LRP6: variants seen among roughly 807,000 people sequenced by gnomAD.
LRP6 encodes low-density lipoprotein receptor-related protein 6.
LRP6 carries 43 observed loss-of-function variants against 184.1 expected under a neutral mutation model. That is an observed-to-expected ratio of 0.23 (90% CI 0.18 to 0.30). The LOEUF (loss-of-function observed/expected upper bound fraction) is 0.30, where lower values mean the gene tolerates loss of function less well. LRP6 is among the 10% of genes least tolerant of loss of function. LRP6 has a pLI of 1.00. For missense variants in LRP6, 1,571 were observed against 2,005.3 expected (o/e 0.78, Z 4.14); for synonymous variants, 719 against 684.9 (o/e 1.05, Z -0.78).
At chr12:12,135,933 C>G (rs1253108198) in intron 16 of LRP6, among the ~76,000 whole-genome samples, 1 of 151,832 alleles carries the variant, frequency 6.6e-6, no homozygotes, top group Admixed American at 6.6e-5. Context: ...GCCTGTAATC[C>G]TAGCACTTTG....
intron 7 of LRP6, among the ~76,000 whole-genome samples, chr12:12,168,646 C>T (rs907310090): frequency 6.6e-5 from 10 of 151,906 alleles, no homozygotes; most frequent in Non-Finnish European, 1.2e-4. Flanking sequence ...TCTCTGTCAC[C>T]CTGTTCAGCT....
chr12:12,156,161 G>A (rs1397824448), intron 12 of LRP6, among the ~76,000 whole-genome samples: 1 of 152,076 alleles, frequency 6.6e-6, no homozygotes, highest in Non-Finnish European at 1.5e-5. Flanking sequence ...GCACTGGCAC[G>A]TTGGATAGAA....
At position 12,267,005 on chromosome 12, in the gene LRP6, C is replaced by T. The variant is rs1216717107; in HGVS notation, c.-270G>A. 3.9e-6 allele frequency: 2 copies of T among 512,670 alleles called. No homozygotes were observed. Among genetic ancestry groups the T allele is most frequent in the East Asian group, 7.1e-5 (2 of 28,006 alleles). 31.8% of individuals were successfully genotyped at this position (512,670 alleles called of 1,614,324 possible). On this transcript the variant is annotated 5_prime_UTR_variant, in exon 1 of 23. Transcript: ENST00000261349. ...GGCGCCCCGCTTCCCCCGCGCAGCTCCTCATTCAGCCTCTGCCTCGCGCAG... is the reference window on the plus strand; with the variant it reads ...GGCGCCCCGCTTCCCCCGCGCAGCTTCTCATTCAGCCTCTGCCTCGCGCAG...
intron 8 of LRP6, 28 bp downstream of exon 8, chr12:12,165,051 T>C: frequency 6.4e-7 from 1 of 1,564,214 alleles, no homozygotes; most frequent in Non-Finnish European, 8.8e-7. Flanking sequence ...CTGGTTCCCA[T>C]TTCTAAGAAA....
At chr12:12,150,722 TCATACACA>T in intron 13 of LRP6, 106 bp downstream of exon 13, 2 of 1,109,508 alleles carry the variant, frequency 1.8e-6, no homozygotes, top group South Asian at 2.5e-5. Context: ...AATTTCAGTT[TCATACACA>T]CATACACACA....
In LRP6 at chr12:12,120,471, A is replaced by C. The variant is rs553145309; in HGVS notation, c.*655T>G. 1 of 152,304 alleles carries C rather than the reference A, an allele frequency of 6.6e-6. No individual in the cohort carries two copies. The highest frequency in any genetic ancestry group is 2.4e-5 in the African/African-American group (1 of 41,544). 9.4% of individuals were successfully genotyped at this position (152,304 alleles called of 1,614,324 possible). ...GGTAGGGACAGAGACTTGCACACAC[A>C]CACAGCTTCATGGCATCTTACCAGA... On this transcript the variant is annotated 3_prime_UTR_variant, in exon 23 of 23. Coordinates refer to ENST00000261349, the MANE Select transcript of LRP6 (RefSeq NM_002336.3).
At chr12:12,255,916 T>TGTAAA (rs1865451584) in intron 1 of LRP6, among the ~76,000 whole-genome samples, 1 of 152,144 alleles carries the variant, frequency 6.6e-6, no homozygotes, top group Non-Finnish European at 1.5e-5. Context: ...ACAAACTACC[T>TGTAAA]ATTTGCAAAT....
intron 1 of LRP6, chr12:12,249,454 G>A (rs1309441693): frequency 2.8e-6 from 2 of 708,548 alleles, no homozygotes; most frequent in African/African-American, 3.6e-5. Flanking sequence ...CCACAACACA[G>A]TGTTACAGCA....
chr12:12,182,455 C>T (rs1021979583), intron 5 of LRP6, among the ~76,000 whole-genome samples: 3 of 151,978 alleles, frequency 2.0e-5, no homozygotes, highest in African/African-American at 7.2e-5. Flanking sequence ...AAGTAAACCA[C>T]CAGCAAAAAA....
At chr12:12,206,496 T>C (rs1439266180) in intron 2 of LRP6, among the ~76,000 whole-genome samples, 1 of 144,464 alleles carries the variant, frequency 6.9e-6, no homozygotes. Context: ...TGAGCGGAGA[T>C]AGCGCCACTG....
chr12:12,257,604 C>A, intron 1 of LRP6, among the ~76,000 whole-genome samples: 2 of 133,014 alleles, frequency 1.5e-5, no homozygotes, highest in African/African-American at 2.8e-5. Context: ...AAAAAAAGTA[C>A]TTGATAGAAA....
chr12:12,254,397 T>C (rs1366315996), intron 1 of LRP6, among the ~76,000 whole-genome samples: 1 of 152,152 alleles, frequency 6.6e-6, no homozygotes, highest in African/African-American at 2.4e-5. Context: ...GTTTAAAATA[T>C]TGCTGATGCC....
chr12:12,184,031 C>T lies in LRP6; in HGVS notation c.925G>A (p.Ala309Thr), dbSNP rs747327706. The change falls in exon 5 of 23, where the codon GCT (alanine) becomes ACT (threonine). Residue 309 changes from alanine (A) to threonine (T), a missense_variant. This residue lies in a region of LRP6 where 640 missense variants were observed against 851.9 expected (regional missense o/e 0.75). Transcript: ENST00000261349. The stretch of plus-strand genomic sequence containing the variant: ...AGGAGTTTGACCCCAGTGGGGCAAG[C>T]ACACTGATAAAAAGGCTTGACTGGA... Reference protein sequence around the residue: ...MSPVKPFYQCACPTGVKLLEN... With the variant: ...MSPVKPFYQCTCPTGVKLLEN... The T allele has an allele frequency of 1.4e-5, 22 of 1,613,438 alleles. No homozygotes were observed. In the Admixed American group the frequency reaches 3.5e-4, roughly 26 times the overall value.
Position 12,120,332 on chromosome 12 carries a change from G to A in LRP6, c.*794C>T, listed in dbSNP as rs1331975421. ...AAAATTCCATTTAGTCAATGCTTCA[G>A]CTTAAAAAAATCATGGTATCTTAGC... On this transcript the variant is annotated 3_prime_UTR_variant, in exon 23 of 23. Coordinates refer to ENST00000261349, the MANE Select transcript of LRP6 (RefSeq NM_002336.3). 6.6e-6 allele frequency: 1 copy of A among 151,862 alleles called. No homozygotes were observed. The highest frequency in any genetic ancestry group is 2.4e-5 in the African/African-American group (1 of 41,346). The allele number at this position is 151,862 out of a possible 1,614,324, so 9.4% of individuals were successfully genotyped here. A position where few individuals can be genotyped will look rare whatever the true frequency, so the allele number is the denominator to read the frequency against.
chr12:12,201,816 C>G (rs1229394838), intron 3 of LRP6, among the ~76,000 whole-genome samples: 1 of 152,158 alleles, frequency 6.6e-6, no homozygotes, highest in African/African-American at 2.4e-5. Flanking sequence ...TTTAAATTTA[C>G]TTAAAACCAC....
At chr12:12,171,643 C>T (rs544790655) in intron 7 of LRP6, among the ~76,000 whole-genome samples, 1 of 152,254 alleles carries the variant, frequency 6.6e-6, no homozygotes, top group Non-Finnish European at 1.5e-5. Context: ...TAAGGGATCA[C>T]CAGCTTAAAC....
intron 2 of LRP6, among the ~76,000 whole-genome samples, chr12:12,224,327 TCAAA>T (rs942581436): frequency 3.3e-5 from 5 of 152,172 alleles, no homozygotes; most frequent in South Asian, 2.1e-4. Flanking sequence ...CCACCATTCT[TCAAA>T]CAAACATACA....
At chr12:12,230,610 C>G (rs1314906892) in intron 2 of LRP6, among the ~76,000 whole-genome samples, 1 of 151,906 alleles carries the variant, frequency 6.6e-6, no homozygotes, top group Non-Finnish European at 1.5e-5. Context: ...CATTAATATA[C>G]ATATTAGCAA....
At chr12:12,231,010 G>A (rs540897842) in intron 2 of LRP6, among the ~76,000 whole-genome samples, 1 of 151,608 alleles carries the variant, frequency 6.6e-6, no homozygotes, top group South Asian at 2.1e-4. Flanking sequence ...GTAAAACCCC[G>A]TCTCTACTAA....
Sources: allele counts gnomAD v4.1 joint callset (sites outside exome capture counted in the v4.1 genomes callset), GRCh38; gene constraint gnomAD v4.1.1; regional missense constraint gnomAD v4.1.1; transcripts MANE v1.5; gene names NCBI Gene and HGNC (gene_info 2026-07-23, HGNC 2026-07-21).